The following ANKRD45 variants were observed in gnomAD, a reference collection of about 807,000 sequenced individuals.
ANKRD45 encodes ankyrin repeat domain-containing protein 45.
Under a neutral mutation model 28.1 loss-of-function variants are expected in ANKRD45, and 21 were observed. The ratio of observed to expected loss-of-function variants is 0.75; its 90% confidence interval spans 0.53 to 1.08. ANKRD45 has a LOEUF of 1.08. ANKRD45 is among the 50% of genes least tolerant of loss of function. The pLI is 0.00. For synonymous variants in ANKRD45, 86 were observed against 103.9 expected (o/e 0.83, Z 1.05); for missense variants, 261 against 308.7 (o/e 0.85, Z 1.16).
chr1:173,638,296 C>T (rs1668545589), intron 3 of ANKRD45, among the ~76,000 whole-genome samples: 1 of 152,096 alleles, frequency 6.6e-6, no homozygotes, highest in South Asian at 2.1e-4. Context: ...CCAAGACATC[C>T]CCAGTCTGAA....
chr1:173,662,721 G>A (rs1669832369), intron 1 of ANKRD45, among the ~76,000 whole-genome samples: 1 of 152,128 alleles, frequency 6.6e-6, no homozygotes, highest in African/African-American at 2.4e-5. Context: ...TAAGGGGAAA[G>A]CAAAACAAAA....
At chr1:173,712,652 C>A in the ANKRD45 span, among the ~76,000 whole-genome samples, 1 of 152,050 alleles carries the variant, frequency 6.6e-6, no homozygotes, top group Admixed American at 6.5e-5. Context: ...TACAGGTGTA[C>A]ACAAGGAGGT....
chr1:173,654,176 A>G (rs1571761747), intron 2 of ANKRD45, among the ~76,000 whole-genome samples: 1 of 152,104 alleles, frequency 6.6e-6, no homozygotes, highest in East Asian at 1.9e-4. Context: ...TAGTTGATGC[A>G]GTTTCTTCCT....
intron 3 of ANKRD45, among the ~76,000 whole-genome samples, chr1:173,640,925 T>A (rs992499780): frequency 6.6e-6 from 1 of 152,192 alleles, no homozygotes; most frequent in Non-Finnish European, 1.5e-5. Flanking sequence ...TGTAACCCTG[T>A]CCTTCTCTCT....
intron 5 of ANKRD45, among the ~76,000 whole-genome samples, chr1:173,611,618 CACAA>C (rs1381495874): frequency 1.3e-4 from 11 of 84,326 alleles, no homozygotes; most frequent in East Asian, 5.5e-4. Flanking sequence ...CACACACACA[CACAA>C]TAAAAATATA....
rs182247853 is a variant in ANKRD45, at chr1:173,625,025, G to A, written c.592-100C>T. 5.8e-5 allele frequency: 72 copies of A among 1,247,240 alleles called. No homozygotes were observed. In the Admixed American group the frequency reaches 1.5e-3, roughly 27 times the overall value. The allele number at this position is 1,247,240 out of a possible 1,614,324, so 77.3% of individuals were successfully genotyped here. On this transcript the variant is annotated intron_variant, in intron 4 of 5. Transcript: ENST00000333279. Reference sequence around the variant, plus strand: ...CACGTCCAACTGAACTTTCTGTGATGATAGAAATATTCTGTACCTGCATTG... The same window carrying A: ...CACGTCCAACTGAACTTTCTGTGATAATAGAAATATTCTGTACCTGCATTG...
At chr1:173,688,257 A>G in the ANKRD45 span, among the ~76,000 whole-genome samples, 1 of 152,072 alleles carries the variant, frequency 6.6e-6, no homozygotes, top group Non-Finnish European at 1.5e-5. Context: ...TTTTTAAAGG[A>G]ATAGGGTACA....
intron 2 of ANKRD45, 74 bp from the exon 3 acceptor site, chr1:173,647,087 AT>A (rs1668970898): frequency 1.4e-6 from 2 of 1,409,750 alleles, no homozygotes; most frequent in African/African-American, 2.8e-5. Context: ...GTGGAAGATC[AT>A]AATGGTGATC....
chr1:173,662,363 T>C (rs1669816869), intron 1 of ANKRD45, among the ~76,000 whole-genome samples: 2 of 152,216 alleles, frequency 1.3e-5, no homozygotes, highest in African/African-American at 4.8e-5. Context: ...GAAACTTCTC[T>C]ATTACTACCC....
upstream of ANKRD45, among the ~76,000 whole-genome samples, chr1:173,672,448 CA>C (rs1670288183): frequency 6.6e-6 from 1 of 152,098 alleles, no homozygotes; most frequent in South Asian, 2.1e-4. Context: ...CATAACTGTA[CA>C]AAACTGTACA....
At position 173,646,769 on chromosome 1, in the gene ANKRD45, G is replaced by T. The variant is rs1457160836; in HGVS notation, c.496+77C>A. On this transcript the variant is annotated intron_variant, in intron 3 of 5. Transcript: ENST00000333279. ...CTACAAACAAAACACTGTGAAAAAA[G>T]GTGACATATCCTGTAACTCATAGGA... 8 of 1,407,464 alleles carry T rather than the reference G, an allele frequency of 5.7e-6. No homozygotes were observed. The African/African-American group carries it at 1.1e-4, about 20-fold the overall frequency. The allele number at this position is 1,407,464 out of a possible 1,614,324, so 87.2% of individuals were successfully genotyped here.
At chr1:173,670,065 C>T (rs1670203890), upstream of ANKRD45, among the ~76,000 whole-genome samples, 1 of 152,146 alleles carries the variant, frequency 6.6e-6, no homozygotes, top group Non-Finnish European at 1.5e-5. Flanking sequence ...ATAAGTTGTG[C>T]ATATTGGTTG....
chr1:173,688,719 T>TCTCTCTTTCTGCCTCTTTC, the ANKRD45 span, among the ~76,000 whole-genome samples: 1 of 139,546 alleles, frequency 7.2e-6, no homozygotes, highest in African/African-American at 3.0e-5. Flanking sequence ...CTCTTTCCTC[T>TCTCTCTTTCTGCCTCTTTC]CTCTCTTTCT....
At chr1:173,615,147 C>A (rs949401013) in intron 5 of ANKRD45, among the ~76,000 whole-genome samples, 2 of 151,872 alleles carry the variant, frequency 1.3e-5, no homozygotes, top group African/African-American at 4.8e-5. Flanking sequence ...AATGCCCCCC[C>A]AGACCGGGCG....
chr1:173,649,358 C>G (rs551151638), intron 2 of ANKRD45, among the ~76,000 whole-genome samples: 4 of 152,274 alleles, frequency 2.6e-5, no homozygotes, highest in African/African-American at 9.6e-5. Context: ...TTTCCTACAT[C>G]TTTACCAATG....
chr1:173,692,912 C>A, the ANKRD45 span, among the ~76,000 whole-genome samples: 2 of 152,232 alleles, frequency 1.3e-5, no homozygotes, highest in Non-Finnish European at 2.9e-5. Context: ...TCACCCTAAT[C>A]CAACCCAGGC....
chr1:173,612,064 C>A (rs1324136187), intron 5 of ANKRD45, among the ~76,000 whole-genome samples: 1 of 151,878 alleles, frequency 6.6e-6, no homozygotes, highest in Non-Finnish European at 1.5e-5. Context: ...GGCAATATGG[C>A]AAAACCCTGT....
intron 3 of ANKRD45, chr1:173,637,167 A>G (rs1668484106): frequency 1.5e-6 from 1 of 689,430 alleles, no homozygotes; most frequent in East Asian, 2.8e-5. Context: ...AAATTTTCCA[A>G]AGAAGCCTGG....
the ANKRD45 span, among the ~76,000 whole-genome samples, chr1:173,685,610 T>G: frequency 6.6e-6 from 1 of 152,186 alleles, no homozygotes; most frequent in Non-Finnish European, 1.5e-5. Context: ...TGCCAAAGTT[T>G]GTTTTAAGTC....
Sources: gnomAD v4.1 joint callset for allele counts (sites outside exome capture counted in the v4.1 genomes callset) on GRCh38, gnomAD v4.1.1 for gene constraint, MANE v1.5 for transcripts, NCBI Gene and HGNC (gene_info 2026-07-23, HGNC 2026-07-21) for gene names.